Variants in RBMS1 observed in about 807,000 individuals in gnomAD.
RBMS1 encodes the protein RNA binding motif single stranded interacting protein 1.
RBMS1 carries 17 observed loss-of-function variants against 62.3 expected under a neutral mutation model. That is an observed-to-expected ratio of 0.27 (90% CI 0.19 to 0.41). RBMS1 has a LOEUF of 0.41. Among genes scored for constraint, RBMS1 ranks in the 10% least tolerant of loss-of-function variants. The pLI, the probability that RBMS1 is intolerant of heterozygous loss-of-function variation, is 1.00. For synonymous variants in RBMS1, 172 were observed against 170.0 expected, an observed-to-expected ratio of 1.01 and a Z score of -0.09; for missense variants, 334 against 504.5, an observed-to-expected ratio of 0.66 and a Z score of 3.24.
chr2:160,422,722 T>G (rs977777538), intron 1 of RBMS1, among the ~76,000 whole-genome samples: 2 of 151,920 alleles, frequency 1.3e-5, no homozygotes, highest in Admixed American at 6.6e-5. Flanking sequence ...CTGGTATTCA[T>G]AGCCCTTTCA....
intron 2 of RBMS1, among the ~76,000 whole-genome samples, chr2:160,362,929 T>C (rs1252089651): frequency 1.3e-5 from 2 of 152,166 alleles, no homozygotes; most frequent in Non-Finnish European, 1.5e-5. Context: ...AAAATCAAAA[T>C]CTGGTAGAGC....
intron 6 of RBMS1, among the ~76,000 whole-genome samples, chr2:160,291,779 T>C (rs1402426767): frequency 1.8e-4 from 28 of 152,346 alleles, no homozygotes; most frequent in Admixed American, 1.6e-3. Flanking sequence ...ATTGAAATTC[T>C]CCTTCACCTC....
intron 10 of RBMS1, among the ~76,000 whole-genome samples, chr2:160,279,975 G>T (rs1688020970): frequency 1.3e-5 from 2 of 152,158 alleles, no homozygotes; most frequent in Admixed American, 1.3e-4. Context: ...CAGAGATAAT[G>T]TTTGTCATTA....
At position 160,323,281 on chromosome 2, in the gene RBMS1, G is replaced by A. The variant is rs535269627; in HGVS notation, c.252-5054C>T. Reference sequence around the variant, plus strand: ...GCTTGAGCTTAGAAGATCGAGACCAGCCTGGGCAATGTGGCAAAACACCCT... The same window carrying A: ...GCTTGAGCTTAGAAGATCGAGACCAACCTGGGCAATGTGGCAAAACACCCT... On this transcript the variant is annotated intron_variant, in intron 2 of 13. Coordinates refer to ENST00000348849, the MANE Select transcript of RBMS1 (RefSeq NM_016836.4). Among the ~76,000 whole-genome samples, 2 of 151,738 alleles carry A rather than the reference G, an allele frequency of 1.3e-5. 1 individual carries two copies. Among genetic ancestry groups the A allele is most frequent in the African/African-American group, 4.8e-5 (2 of 41,376 alleles).
chr2:160,463,709 C>T (rs1314509348), intron 1 of RBMS1, among the ~76,000 whole-genome samples: 1 of 152,124 alleles, frequency 6.6e-6, no homozygotes, highest in Non-Finnish European at 1.5e-5. Flanking sequence ...CGCTTGAACC[C>T]AGGAGGCAGA....
chr2:160,343,392 C>G (rs1159710532), intron 2 of RBMS1, among the ~76,000 whole-genome samples: 1 of 152,186 alleles, frequency 6.6e-6, no homozygotes, highest in Non-Finnish European at 1.5e-5. Context: ...TACAGCAGCA[C>G]TGAGCCACAT....
chr2:160,418,067 T>C (rs1191607183), intron 1 of RBMS1, among the ~76,000 whole-genome samples: 1 of 152,210 alleles, frequency 6.6e-6, no homozygotes, highest in Non-Finnish European at 1.5e-5. Context: ...TTTCAGTGCA[T>C]TTATATAATA....
chr2:160,291,585 T>C (rs1164095340), intron 6 of RBMS1, among the ~76,000 whole-genome samples: 2 of 152,214 alleles, frequency 1.3e-5, no homozygotes, highest in East Asian at 3.8e-4. Context: ...ACAGCTTTTC[T>C]CTGTGGACGT....
rs555241969 is a variant in RBMS1, at chr2:160,491,764, A to G, written c.75+1525T>C. 2.1e-3 allele frequency among the ~76,000 whole-genome samples: 326 copies of G among 152,354 alleles called. 1 individual carries two copies. Among genetic ancestry groups the G allele is most frequent in the African/African-American group, 7.4e-3 (306 of 41,574 alleles). On this transcript the variant is annotated intron_variant, in intron 1 of 13. Coordinates refer to ENST00000348849, the MANE Select transcript of RBMS1 (RefSeq NM_016836.4). ...ATATCTAAAAGGTAGTGCATTGATT[A>G]TGCCACAAAATTTCTTTGAACAGCT...
At chr2:160,406,950 T>C (rs922532350) in intron 1 of RBMS1, among the ~76,000 whole-genome samples, 2 of 152,204 alleles carry the variant, frequency 1.3e-5, no homozygotes, top group African/African-American at 2.4e-5. Context: ...AAAGTGACAG[T>C]AGAAGTTCCT....
rs1688108077 is a variant in RBMS1 at position 160,281,603 on chromosome 2, T to C, written c.901-239A>G. The C allele has an allele frequency of 1.8e-5, 7 of 392,970 alleles. No homozygotes were observed. In the East Asian group the frequency reaches 2.1e-4, roughly 12 times the overall value. The allele number at this position is 392,970 out of a possible 1,614,324, so 24.3% of individuals were successfully genotyped here. On this transcript the variant is annotated intron_variant, in intron 9 of 13. Coordinates refer to ENST00000348849, the MANE Select transcript of RBMS1 (RefSeq NM_016836.4). ...CCACTCAAGAAGTAATTGTTGAGTATCAGGCAACAAAGAGAAAAAGGCGAA... is the reference window on the plus strand; with the variant it reads ...CCACTCAAGAAGTAATTGTTGAGTACCAGGCAACAAAGAGAAAAAGGCGAA...
At chr2:160,440,104 G>GGAGAGGA (rs1683349889) in intron 1 of RBMS1, among the ~76,000 whole-genome samples, 2 of 117,348 alleles carry the variant, frequency 1.7e-5, no homozygotes, top group Non-Finnish European at 3.7e-5. Context: ...AGGGGAGAGG[G>GGAGAGGA]GAGAGGGCTT....
chr2:160,399,023 C>T (rs1263397167), intron 1 of RBMS1, among the ~76,000 whole-genome samples: 1 of 152,200 alleles, frequency 6.6e-6, no homozygotes, highest in East Asian at 1.9e-4. Context: ...GACCTCTGTT[C>T]TTCAAACTCT....
intron 2 of RBMS1, among the ~76,000 whole-genome samples, chr2:160,343,062 T>A (rs2105996701): frequency 6.6e-6 from 1 of 152,148 alleles, no homozygotes; most frequent in East Asian, 1.9e-4. Context: ...CAAACTGAGA[T>A]CCCAGGCAAC....
At chr2:160,383,976 T>A (rs1333900872) in intron 1 of RBMS1, among the ~76,000 whole-genome samples, 1 of 152,200 alleles carries the variant, frequency 6.6e-6, no homozygotes, top group African/African-American at 2.4e-5. Flanking sequence ...GGCAGGCAGA[T>A]CACAAGGTCA....
chr2:160,381,568 C>T (rs962798818), intron 1 of RBMS1, among the ~76,000 whole-genome samples: 1 of 152,148 alleles, frequency 6.6e-6, no homozygotes, highest in African/African-American at 2.4e-5. Context: ...GAGGAGGTAG[C>T]AGTCAGGTTG....
At chr2:160,426,509 T>C (rs1193351697) in intron 1 of RBMS1, among the ~76,000 whole-genome samples, 1 of 152,230 alleles carries the variant, frequency 6.6e-6, no homozygotes. Flanking sequence ...TTTTAATGTT[T>C]ATATTTTAGT....
At chr2:160,296,891 G>A (rs575947193) in intron 6 of RBMS1, among the ~76,000 whole-genome samples, 2 of 152,224 alleles carry the variant, frequency 1.3e-5, no homozygotes, top group Middle Eastern at 3.4e-3. Flanking sequence ...ATTCAGATAT[G>A]AGCACCAGTG....
Position 160,366,095 on chromosome 2 carries a change from G to A in RBMS1, c.251+1121C>T, listed in dbSNP as rs181274598. 2.3e-3 allele frequency among the ~76,000 whole-genome samples: 347 copies of A among 152,274 alleles called. 1 individual carries two copies. Among genetic ancestry groups the A allele is most frequent in the African/African-American group, 8.0e-3 (331 of 41,542 alleles). ...GCTGGGAGGGATGGCCTTCTAGAAA[G>A]TTCTCCAGATCCTGAAGAGCAACCA... On this transcript the variant is annotated intron_variant, in intron 2 of 13. Coordinates refer to ENST00000348849, the MANE Select transcript of RBMS1 (RefSeq NM_016836.4).
Sources: allele counts gnomAD v4.1 joint callset (sites outside exome capture counted in the v4.1 genomes callset), GRCh38; gene constraint gnomAD v4.1.1; transcripts MANE v1.5; gene names NCBI Gene and HGNC (gene_info 2026-07-23, HGNC 2026-07-21).